Variants in NAB1 observed in about 807,000 individuals in gnomAD.
The protein encoded by NAB1 is NGFI-A binding protein 1.
A neutral mutation model predicts 49.9 loss-of-function variants in NAB1; 25 were observed. That is an observed-to-expected ratio of 0.50 (90% CI 0.37 to 0.70). The LOEUF is 0.70. Among genes scored for constraint, NAB1 ranks in the 30% least tolerant of loss-of-function variants. The pLI, the probability that NAB1 is intolerant of heterozygous loss-of-function variation, is 0.00. For synonymous variants in NAB1, 198 were observed against 215.6 expected (o/e 0.92, Z 0.71); for missense variants, 489 against 575.9 (o/e 0.85, Z 1.54).
At position 190,692,721 on chromosome 2, in the gene NAB1, G is replaced by A. The variant is rs1303987090; in HGVS notation, c.*2388G>A. ...CTTCAAGCTGTTGGTGAGGTGGGAC[G>A]AATGCACTTGCTTCCTGTGGCAATA... On this transcript the variant is annotated 3_prime_UTR_variant, in exon 10 of 10. Coordinates refer to ENST00000337386, the MANE Select transcript of NAB1 (RefSeq NM_005966.4). This position sits in a 1 kb window ranked among gnomAD's most constrained non-coding sequence, Gnocchi z 5.2. 2.0e-5 allele frequency: 3 copies of A among 152,614 alleles called. No individual in the cohort carries two copies. The highest frequency in any genetic ancestry group is 6.5e-5 in the Admixed American group (1 of 15,278). 9.5% of individuals were successfully genotyped at this position (152,614 alleles called of 1,614,324 possible).
At position 190,685,634 on chromosome 2, in the gene NAB1, A is replaced by C. The variant is rs770283618; in HGVS notation, c.1254A>C (p.Gly418=). 4.9e-5 allele frequency: 78 copies of C among 1,605,642 alleles called. No homozygotes were observed. Among genetic ancestry groups the C allele is most frequent in the Non-Finnish European group, 6.2e-5 (73 of 1,176,444 alleles). The change falls in exon 8 of 10, where the codon GGA becomes GGC. Residue 418 remains glycine (G), a synonymous_variant. Coordinates refer to ENST00000337386, the MANE Select transcript of NAB1 (RefSeq NM_005966.4). The surrounding 1 kb of genome is among the most constrained non-coding windows in gnomAD (Gnocchi z 4.5). The stretch of plus-strand genomic sequence containing the variant: ...GCTTGACTTCCGATAACTCAGATGG[A>C]CAAGGTACATCTTTAGAATATCCTA... ...PNGLTSDNSD[G]QGERPLNLRM... is the part of the protein sequence containing the mutation.
At position 190,657,399 on chromosome 2, in the gene NAB1, C is replaced by A. The variant is rs146110430; in HGVS notation, c.-20+1246C>A. On this transcript the variant is annotated intron_variant, in intron 3 of 9. Transcript: ENST00000337386. The surrounding 1 kb of genome is among the most constrained non-coding windows in gnomAD (Gnocchi z 4.4). ...AGTACCTGTAGGAGTTTGTGGTGCC[C>A]GGAGGATTTATTAAGTAGGAATCTT... Among the ~76,000 whole-genome samples, 1 of 152,028 alleles carries A rather than the reference C, an allele frequency of 6.6e-6. No homozygotes were observed. The highest frequency in any genetic ancestry group is 1.5e-5 in the Non-Finnish European group (1 of 67,994).
chr2:190,652,433 C>G lies in NAB1; in HGVS notation c.-197+2451C>G, dbSNP rs1364969977. ...AAATGCTAGTATTTGCCTATTGTTA[C>G]TATAGTTAAATGAATAAATACATAG... On this transcript the variant is annotated intron_variant, in intron 2 of 9. Coordinates refer to ENST00000337386, the MANE Select transcript of NAB1 (RefSeq NM_005966.4). This position sits in a 1 kb window ranked among gnomAD's most constrained non-coding sequence, Gnocchi z 4.2. Among the ~76,000 whole-genome samples, 2 of 152,140 alleles carry G rather than the reference C, an allele frequency of 1.3e-5. No individual in the cohort carries two copies. The highest frequency in any genetic ancestry group is 1.5e-5 in the Non-Finnish European group (1 of 68,018).
Position 190,663,124 on chromosome 2 carries a change from A to G in NAB1, c.819+3129A>G, listed in dbSNP as rs1469511844. On this transcript the variant is annotated intron_variant, in intron 4 of 9. Coordinates refer to ENST00000337386, the MANE Select transcript of NAB1 (RefSeq NM_005966.4). This position sits in a 1 kb window ranked among gnomAD's most constrained non-coding sequence, Gnocchi z 4.2. ...TCAGAATTCATAGATTTCAGCATCT[A>G]ACACTTGAAATGCTGGACTTTTCCT... Among the ~76,000 whole-genome samples the G allele has an allele frequency of 2.0e-5, 3 of 152,220 alleles. No homozygotes were observed. The highest frequency in any genetic ancestry group is 4.4e-5 in the Non-Finnish European group (3 of 68,036).
chr2:190,684,312 T>G lies in NAB1; in HGVS notation c.1095+485T>G, dbSNP rs1316922314. ...AAGTTATTTAATTTTGTCTGTATAC[T>G]GAAATTAAAATTTTAAAATGCTTTC... On this transcript the variant is annotated intron_variant, in intron 7 of 9. Coordinates refer to ENST00000337386, the MANE Select transcript of NAB1 (RefSeq NM_005966.4). The surrounding 1 kb of genome is among the most constrained non-coding windows in gnomAD (Gnocchi z 4.6). Among the ~76,000 whole-genome samples the G allele has an allele frequency of 6.6e-6, 1 of 152,236 alleles. No homozygotes were observed. The highest frequency in any genetic ancestry group is 6.5e-5 in the Admixed American group (1 of 15,286).
Position 190,686,817 on chromosome 2 carries a change from T to C in NAB1, c.1259-384T>C, listed in dbSNP as rs1695631715. 6.6e-6 allele frequency among the ~76,000 whole-genome samples: 1 copy of C among 152,072 alleles called. No individual in the cohort carries two copies. Among genetic ancestry groups the C allele is most frequent in the Admixed American group, 6.6e-5 (1 of 15,262 alleles). On this transcript the variant is annotated intron_variant, in intron 8 of 9. Transcript: ENST00000337386. This position sits in a 1 kb window ranked among gnomAD's most constrained non-coding sequence, Gnocchi z 5.5. ...TTTTTTTTTTTAATCTTTAATTGGC[T>C]TGAAGCCTTCTGTGTCTTTCTAGTA...
At chr2:190,688,021 A>G (rs927333366) in intron 9 of NAB1, among the ~76,000 whole-genome samples, 3 of 152,238 alleles carry the variant, frequency 2.0e-5, no homozygotes, top group Admixed American at 2.0e-4. Flanking sequence ...TCCTTATCAT[A>G]GTTAGATATT....
At chr2:190,681,015 A>T (rs1279657950) in intron 6 of NAB1, among the ~76,000 whole-genome samples, 1 of 152,264 alleles carries the variant, frequency 6.6e-6, no homozygotes, top group Non-Finnish European at 1.5e-5. Context: ...CCAGTATCAC[A>T]GCAAATAAGT....
rs1693995900 is a variant in NAB1 at position 190,657,669 on chromosome 2, A to G, written c.-19-1489A>G. Among the ~76,000 whole-genome samples the G allele has an allele frequency of 1.3e-5, 2 of 152,358 alleles. No individual in the cohort carries two copies. Among genetic ancestry groups the G allele is most frequent in the South Asian group, 4.1e-4 (2 of 4,824 alleles). ...GTCAAAACAGATGTGGATGACACAG[A>G]GGTTCCAGGAGATGGGACTTCCGGT... is the stretch of plus-strand genomic sequence containing the variant. On this transcript the variant is annotated intron_variant, in intron 3 of 9. Transcript: ENST00000337386. The surrounding 1 kb of genome is among the most constrained non-coding windows in gnomAD (Gnocchi z 4.4).
Position 190,687,179 on chromosome 2 carries a change from ATTTCTTT to A in NAB1, c.1259-13_1259-7del. The A allele has an allele frequency of 2.7e-6, 4 of 1,470,674 alleles. No individual in the cohort carries two copies. The South Asian group carries it at 3.9e-5, about 14-fold the overall frequency. 91.1% of individuals were successfully genotyped at this position (1,470,674 alleles called of 1,614,324 possible). On this transcript the variant is annotated splice_polypyrimidine_tract_variant and intron_variant, in intron 8 of 9. Transcript: ENST00000337386. ...ATGGTATGTTTTTAATATTATGCAT[ATTTCTTT>A]TTTCTTTTCATTAGGAGAAAGACCT... is the stretch of plus-strand genomic sequence containing the variant.
At chr2:190,660,213 G>C (rs1694151358) in intron 4 of NAB1, among the ~76,000 whole-genome samples, 1 of 150,228 alleles carries the variant, frequency 6.7e-6, no homozygotes, top group African/African-American at 2.4e-5. Context: ...TTGAGCTTTG[G>C]AACTACAGTA....
chr2:190,655,210 G>A (rs1693857958), intron 2 of NAB1, among the ~76,000 whole-genome samples: 1 of 152,234 alleles, frequency 6.6e-6, no homozygotes, highest in South Asian at 2.1e-4. Flanking sequence ...AATAACAGAA[G>A]TGTCTATTTA....
rs962679096 is a variant in NAB1 at position 190,680,488 on chromosome 2, C to T, written c.1006-3250C>T. On this transcript the variant is annotated intron_variant, in intron 6 of 9. Transcript: ENST00000337386. The surrounding 1 kb of genome is among the most constrained non-coding windows in gnomAD (Gnocchi z 5.2). ...CTGCCACAGCGCCCTCTGCTGTGCT[C>T]TGGGTCTCCGTCCATTTCCCTCCCT... Among the ~76,000 whole-genome samples, 6 of 152,210 alleles carry T rather than the reference C, an allele frequency of 3.9e-5. No homozygotes were observed. The highest frequency in any genetic ancestry group is 1.4e-4 in the African/African-American group (6 of 41,450).
At chr2:190,653,901 C>T (rs1693793161) in intron 2 of NAB1, 1 of 152,066 alleles carries the variant, frequency 6.6e-6, no homozygotes, top group African/African-American at 2.4e-5. Context: ...CACCGTATAG[C>T]TTTTTAAGAA....
rs948019674 is a variant in NAB1, at chr2:190,663,259, G to A, written c.819+3264G>A. Among the ~76,000 whole-genome samples, 8 of 152,096 alleles carry A rather than the reference G, an allele frequency of 5.3e-5. No homozygotes were observed. In the East Asian group the frequency reaches 9.6e-4, roughly 18 times the overall value. On this transcript the variant is annotated intron_variant, in intron 4 of 9. Transcript: ENST00000337386. This position sits in a 1 kb window ranked among gnomAD's most constrained non-coding sequence, Gnocchi z 4.2. ...CATCTGAGTTTTCAAACTTAGTGGC[G>A]TAAAGTTATTTATAGTTTTTTAAGA...
rs1228312462 is a variant in NAB1 at position 190,652,832 on chromosome 2, ATATT to A, written c.-197+2853_-197+2856del. ...GTAACCCATAAAGTGTAGCTGAACT[ATATT>A]TAATCATTTTAGCTTGAGTTCTGGG... On this transcript the variant is annotated intron_variant, in intron 2 of 9. Transcript: ENST00000337386. This position sits in a 1 kb window ranked among gnomAD's most constrained non-coding sequence, Gnocchi z 4.2. 6.6e-6 allele frequency among the ~76,000 whole-genome samples: 1 copy of A among 152,238 alleles called. No homozygotes were observed. The highest frequency in any genetic ancestry group is 1.5e-5 in the Non-Finnish European group (1 of 68,042).
In NAB1 at chr2:190,663,094, C is replaced by G. The variant is rs1018340206; in HGVS notation, c.819+3099C>G. On this transcript the variant is annotated intron_variant, in intron 4 of 9. Coordinates refer to ENST00000337386, the MANE Select transcript of NAB1 (RefSeq NM_005966.4). This position sits in a 1 kb window ranked among gnomAD's most constrained non-coding sequence, Gnocchi z 4.2. ...GTTAGCTTGTTTTATTCTGAACTCT[C>G]AATCTCAGAATTCATAGATTTCAGC... 2.0e-5 allele frequency among the ~76,000 whole-genome samples: 3 copies of G among 152,188 alleles called. No homozygotes were observed. The highest frequency in any genetic ancestry group is 6.5e-5 in the Admixed American group (1 of 15,280).
At chr2:190,655,352 G>C (rs1056281003) in intron 2 of NAB1, among the ~76,000 whole-genome samples, 1 of 152,166 alleles carries the variant, frequency 6.6e-6, no homozygotes, top group Non-Finnish European at 1.5e-5. Flanking sequence ...TACAGATTTG[G>C]AGGTCATCTG....
At chr2:190,672,802 A>G (rs903596202) in intron 5 of NAB1, among the ~76,000 whole-genome samples, 1 of 146,818 alleles carries the variant, frequency 6.8e-6, no homozygotes, top group African/African-American at 2.5e-5. Context: ...ACATAGTGAG[A>G]CCCCATCTTT....
Sources: gnomAD v4.1 joint callset for allele counts (sites outside exome capture counted in the v4.1 genomes callset) on GRCh38, gnomAD v4.1.1 for gene constraint, Gnocchi (gnomAD v3.1) non-coding constraint, MANE v1.5 for transcripts, NCBI Gene and HGNC (gene_info 2026-07-23, HGNC 2026-07-21) for gene names.